The following ABHD18 variants were observed in gnomAD, a reference collection of about 807,000 sequenced individuals.
ABHD18 encodes cardiolipin-specific deacylase, mitochondrial.
Under a neutral mutation model 65.9 loss-of-function variants are expected in ABHD18, and 55 were observed. That is an observed-to-expected ratio of 0.84 (90% CI 0.67 to 1.05). The LOEUF is 1.05. ABHD18 is among the 50% of genes least tolerant of loss of function. The pLI is 0.00. For missense variants in ABHD18, 533 were observed against 558.5 expected, an observed-to-expected ratio of 0.95 and a Z score of 0.46; for synonymous variants, 181 against 180.2, an observed-to-expected ratio of 1.00 and a Z score of -0.04.
chr4:128,003,614 T>A (rs1356127080), intron 4 of ABHD18, among the ~76,000 whole-genome samples: 5 of 152,110 alleles, frequency 3.3e-5, no homozygotes, highest in African/African-American at 1.2e-4. Flanking sequence ...ATCCAGCTAA[T>A]TCTTTTCTCT....
chr4:128,030,061 G>A (rs1441923480), intron 11 of ABHD18, among the ~76,000 whole-genome samples: 1 of 151,996 alleles, frequency 6.6e-6, no homozygotes, highest in Admixed American at 6.6e-5. Context: ...AAGTTAAGGA[G>A]GGAGGATCAC....
At chr4:127,977,989 A>G (rs1177753020) in intron 1 of ABHD18, among the ~76,000 whole-genome samples, 1 of 152,132 alleles carries the variant, frequency 6.6e-6, no homozygotes, top group Non-Finnish European at 1.5e-5. Flanking sequence ...AAAACTCACA[A>G]TGCTATTGAG....
chr4:127,987,386 G>C (rs1021922501), intron 3 of ABHD18, among the ~76,000 whole-genome samples: 1 of 151,888 alleles, frequency 6.6e-6, no homozygotes. Context: ...AGTTTGTGCT[G>C]CTGCTTTATC....
intron 12 of ABHD18, among the ~76,000 whole-genome samples, chr4:128,034,456 C>G (rs1035285513): frequency 2.6e-5 from 4 of 151,892 alleles, no homozygotes; most frequent in Non-Finnish European, 4.4e-5. Context: ...GACTGTAGTT[C>G]CAGATACTCA....
intron 1 of ABHD18, among the ~76,000 whole-genome samples, chr4:127,974,996 T>C (rs1353165625): frequency 6.4e-4 from 6 of 9,388 alleles, no homozygotes; most frequent in Non-Finnish European, 9.0e-4. Context: ...AAACTGTGTC[T>C]CAAAAAAAAA....
rs1037471392 is a variant in ABHD18, at chr4:128,039,411, TC to T, written c.*3601del. The T allele has an allele frequency of 3.3e-5, 5 of 151,932 alleles. No homozygotes were observed. The highest frequency in any genetic ancestry group is 5.9e-5 in the Non-Finnish European group (4 of 67,988). 9.4% of individuals were successfully genotyped at this position (151,932 alleles called of 1,614,324 possible). On this transcript the variant is annotated 3_prime_UTR_variant, in exon 13 of 13. Coordinates refer to ENST00000645843, the MANE Select transcript of ABHD18 (RefSeq NM_001358451.3). ...CCAGTTTGCCACAGCCTACTGGACT[TC>T]CCTCTTATATCAGACAACTTCTCTA...
At chr4:127,985,374 A>G (rs757948874) in intron 3 of ABHD18, among the ~76,000 whole-genome samples, 4 of 151,404 alleles carry the variant, frequency 2.6e-5, no homozygotes, top group Non-Finnish European at 5.9e-5. Context: ...CTGTACTTGC[A>G]TCTCATATGT....
rs1184837276 is a variant in ABHD18 at position 127,996,335 on chromosome 4, CAG to C, written c.278+6518_278+6519del. On this transcript the variant is annotated intron_variant, in intron 4 of 12. Coordinates refer to ENST00000645843, the MANE Select transcript of ABHD18 (RefSeq NM_001358451.3). ...GAGAAATAAAGAGAAAGAGTACAAA[CAG>C]AGAAATTTTACAGCTGGGCCTCCAG... Among the ~76,000 whole-genome samples, 5 of 152,058 alleles carry C rather than the reference CAG, an allele frequency of 3.3e-5. No homozygotes were observed. The East Asian group carries it at 7.7e-4, about 24-fold the overall frequency.
chr4:128,037,096 GCA>G lies in ABHD18; in HGVS notation c.*1284_*1285del, dbSNP rs1758945597. On this transcript the variant is annotated 3_prime_UTR_variant, in exon 13 of 13. Coordinates refer to ENST00000645843, the MANE Select transcript of ABHD18 (RefSeq NM_001358451.3). ...ATTGCGCCACTGCACTCCAGCCTGG[GCA>G]ACAGAGCAAAACTCCATCTCAAAAA... The G allele has an allele frequency of 2.4e-5, 3 of 123,760 alleles. No individual in the cohort carries two copies. The highest frequency in any genetic ancestry group is 3.2e-5 in the Non-Finnish European group (2 of 63,102). The allele number at this position is 123,760 out of a possible 1,614,324, so 7.7% of individuals were successfully genotyped here. A position where few individuals can be genotyped will look rare whatever the true frequency, so the allele number is the denominator to read the frequency against.
At chr4:128,025,565 T>C (rs1757219087) in intron 10 of ABHD18, among the ~76,000 whole-genome samples, 1 of 152,266 alleles carries the variant, frequency 6.6e-6, no homozygotes, top group Non-Finnish European at 1.5e-5. Flanking sequence ...TTATGTTGTT[T>C]CTCATCTTTT....
chr4:128,030,718 T>C, intron 12 of ABHD18, 46 bp downstream of exon 12: 1 of 1,505,272 alleles, frequency 6.6e-7, no homozygotes, highest in South Asian at 1.4e-5. Flanking sequence ...TGTTGTTTGT[T>C]TTCTGGATTT....
At chr4:128,009,056 A>C (rs981870436) in intron 5 of ABHD18, 51 bp from the exon 6 acceptor site, 2 of 1,584,214 alleles carry the variant, frequency 1.3e-6, no homozygotes, top group African/African-American at 1.4e-5. Context: ...ATTCTCCTTA[A>C]CAGAAGTGGC....
chr4:127,986,174 C>T lies in ABHD18; in HGVS notation c.177+1751C>T, dbSNP rs549052240. Among the ~76,000 whole-genome samples, 14 of 152,302 alleles carry T rather than the reference C, an allele frequency of 9.2e-5. No homozygotes were observed. The South Asian group carries it at 2.9e-3, about 32-fold the overall frequency. On this transcript the variant is annotated intron_variant, in intron 3 of 12. Transcript: ENST00000645843. The stretch of plus-strand genomic sequence containing the variant: ...CCTGTATCCATTAGCTGTCACTTTC[C>T]ATTGCCTCTTCCCCCACCTGCTGGC...
Position 128,035,975 on chromosome 4 carries a change from T to C in ABHD18, c.*162T>C, listed in dbSNP as rs1289683731. 4.7e-6 allele frequency: 2 copies of C among 425,188 alleles called. No homozygotes were observed. The highest frequency in any genetic ancestry group is 8.3e-6 in the Non-Finnish European group (2 of 239,588). 26.3% of individuals were successfully genotyped at this position (425,188 alleles called of 1,614,324 possible). ...ACATCAGTTAACTATAAACTTCGAA[T>C]ACATTTGAATAATTTCAAGATAATA... On this transcript the variant is annotated 3_prime_UTR_variant, in exon 13 of 13. Transcript: ENST00000645843.
rs757062132 is a variant in ABHD18 at position 128,009,673 on chromosome 4, G to A, written c.442+482G>A. 173 of 154,044 alleles carry A rather than the reference G, an allele frequency of 1.1e-3. 2 individuals carry two copies. Among genetic ancestry groups the A allele is most frequent in the Non-Finnish European group, 2.2e-3 (149 of 68,186 alleles). 9.5% of individuals were successfully genotyped at this position (154,044 alleles called of 1,614,324 possible). A position where few individuals can be genotyped will look rare whatever the true frequency, so the allele number is the denominator to read the frequency against. On this transcript the variant is annotated intron_variant, in intron 6 of 12. Transcript: ENST00000645843. ...ATGATCAAATATTTTAAAAAAAACA[G>A]TACTGGTGAGGCTGCTTTGAAATGG...
In ABHD18 at chr4:127,999,885, G is replaced by C. The variant is rs1579282103; in HGVS notation, c.279-9035G>C. On this transcript the variant is annotated intron_variant, in intron 4 of 12. Transcript: ENST00000645843. ...CAAGTGTATTAGTTTGCACGCTGCT[G>C]ATAAAGACATACCCAATACTGGGCA... Among the ~76,000 whole-genome samples, 4 of 152,246 alleles carry C rather than the reference G, an allele frequency of 2.6e-5. 1 individual carries two copies. In the East Asian group the frequency reaches 7.7e-4, roughly 29 times the overall value.
chr4:128,024,599 T>C (rs998725089), intron 10 of ABHD18, among the ~76,000 whole-genome samples: 7 of 152,216 alleles, frequency 4.6e-5, no homozygotes, highest in Non-Finnish European at 1.0e-4. Flanking sequence ...GATCTTTACA[T>C]TTCCATATGT....
intron 3 of ABHD18, among the ~76,000 whole-genome samples, chr4:127,987,082 G>T (rs1008761016): frequency 6.6e-6 from 1 of 152,102 alleles, no homozygotes. Context: ...GCTGGGTGCC[G>T]TGCCTCACAC....
At chr4:127,985,649 C>A (rs190998395) in intron 3 of ABHD18, among the ~76,000 whole-genome samples, 77 of 152,190 alleles carry the variant, frequency 5.1e-4, no homozygotes, top group Non-Finnish European at 9.3e-4. Flanking sequence ...CTTTCCACCA[C>A]CTAATTCCAT....
Sources: allele counts gnomAD v4.1 joint callset (sites outside exome capture counted in the v4.1 genomes callset), GRCh38; gene constraint gnomAD v4.1.1; transcripts MANE v1.5; gene names NCBI Gene and HGNC (gene_info 2026-07-23, HGNC 2026-07-21).